Variants in SYNPO2 observed in about 807,000 individuals in gnomAD.
SYNPO2 encodes synaptopodin-2.
A neutral mutation model predicts 85.0 loss-of-function variants in SYNPO2; 56 were observed. The observed-to-expected ratio is 0.66, with a 90% confidence interval of 0.53 to 0.82. The LOEUF (loss-of-function observed/expected upper bound fraction) is 0.82. Among genes scored for constraint, SYNPO2 ranks in the 40% least tolerant of loss-of-function variants. The pLI is 0.00. For missense variants in SYNPO2, 1,575 were observed against 1,534.2 expected (o/e 1.03, Z -0.44); for synonymous variants, 602 against 591.1 (o/e 1.02, Z -0.27).
In SYNPO2 at chr4:119,026,996, G is replaced by A; in HGVS notation, c.627G>A (p.Lys209=). The change falls in exon 3 of 5, where the codon AAG becomes AAA. Residue 209 remains lysine, a synonymous_variant. Transcript: ENST00000307142. ...LQLSLSQERH[K]GASGPLVALP... ...TGTCCCTTTCACAGGAGAGACATAA[G>A]GGCGCTAGTGGCCCTTTAGTGGCTC... is the stretch of plus-strand genomic sequence containing the variant. The A allele has an allele frequency of 6.2e-7, 1 of 1,614,156 alleles. No individual in the cohort carries two copies. The highest frequency in any genetic ancestry group is 8.5e-7 in the Non-Finnish European group (1 of 1,180,040).
intron 1 of SYNPO2, among the ~76,000 whole-genome samples, chr4:118,992,325 C>T (rs891071884): frequency 3.9e-5 from 6 of 152,258 alleles, no homozygotes; most frequent in South Asian, 2.1e-4. Context: ...TGAAATAAAA[C>T]TGTGACAAAG....
chr4:118,853,368 A>C (rs77807988), intron 1 of SYNPO2, among the ~76,000 whole-genome samples: 2,824 of 152,176 alleles, frequency 0.019, 74 homozygotes, highest in African/African-American at 0.057. Context: ...TATACCATCA[A>C]ATTTAGGATA....
At chr4:119,032,902 G>A in intron 4 of SYNPO2, 1 of 962,648 alleles carries the variant, frequency 1.0e-6, no homozygotes, top group African/African-American at 1.8e-5. Flanking sequence ...GATAAGGAAA[G>A]AAGGATAATT....
intron 1 of SYNPO2, among the ~76,000 whole-genome samples, chr4:119,007,257 TATATATATATATATATATGTATATAC>T (rs1560972365): frequency 9.4e-5 from 4 of 42,586 alleles, no homozygotes; most frequent in South Asian, 2.1e-3. Context: ...TATATACATA[TATATATATATATATATATGTATATAC>T]ATATATATAT....
intron 1 of SYNPO2, among the ~76,000 whole-genome samples, chr4:118,905,109 G>A (rs1402832011): frequency 6.6e-6 from 1 of 152,186 alleles, no homozygotes; most frequent in Non-Finnish European, 1.5e-5. Context: ...TGACCAGATA[G>A]CTCCATGTTG....
At chr4:118,989,795 C>T (rs1408748646) in intron 1 of SYNPO2, among the ~76,000 whole-genome samples, 1 of 152,132 alleles carries the variant, frequency 6.6e-6, no homozygotes, top group African/African-American at 2.4e-5. Context: ...GTGGAGGAGG[C>T]CTAACTTGTG....
At chr4:119,020,842 C>A (rs910256378) in intron 1 of SYNPO2, among the ~76,000 whole-genome samples, 9 of 152,060 alleles carry the variant, frequency 5.9e-5, no homozygotes, top group Non-Finnish European at 1.3e-4. Context: ...TAAAAAATTT[C>A]TTGTGATCTT....
chr4:119,007,412 CAAA>C (rs527931641), intron 1 of SYNPO2, among the ~76,000 whole-genome samples: 3 of 139,600 alleles, frequency 2.1e-5, no homozygotes, highest in African/African-American at 7.9e-5. Flanking sequence ...AAAAAACAAA[CAAA>C]AAAAAAACAT....
At chr4:119,014,582 G>C (rs952943830) in intron 1 of SYNPO2, among the ~76,000 whole-genome samples, 13 of 151,832 alleles carry the variant, frequency 8.6e-5, no homozygotes, top group Non-Finnish European at 4.4e-5. Flanking sequence ...TCTTATTTTT[G>C]ATATCTAACA....
At position 119,031,544 on chromosome 4, in the gene SYNPO2, G is replaced by A. The variant is rs114607591; in HGVS notation, c.2769G>A (p.Val923=). Residue 923 remains valine (V), a synonymous_variant, in exon 4 of 5, where the codon GTG becomes GTA. Coordinates refer to ENST00000307142, the MANE Select transcript of SYNPO2 (RefSeq NM_133477.3). ...CCAATGTCCGAGCACCTCCTCCTGT[G>A]GCCTATAATCCTATCCACTCGCCGT... ...YSSNVRAPPP[V]AYNPIHSPSY... The A allele has an allele frequency of 5.2e-4, 846 of 1,614,074 alleles. 6 individuals carry two copies. In the African/African-American group the frequency reaches 0.011, roughly 20 times the overall value.
intron 1 of SYNPO2, among the ~76,000 whole-genome samples, chr4:118,984,244 C>T (rs1039556675): frequency 3.4e-5 from 5 of 148,444 alleles, no homozygotes; most frequent in East Asian, 2.0e-4. Context: ...GACTGGGAGA[C>T]GCAGATGTAA....
intron 3 of SYNPO2, among the ~76,000 whole-genome samples, chr4:119,029,458 T>C (rs1738118569): frequency 1.3e-5 from 2 of 152,170 alleles, no homozygotes; most frequent in Admixed American, 1.3e-4. Context: ...AAGTATGAGA[T>C]ATGTCTCATC....
At chr4:118,958,456 T>C (rs1462172728) in intron 1 of SYNPO2, among the ~76,000 whole-genome samples, 1 of 152,154 alleles carries the variant, frequency 6.6e-6, no homozygotes, top group Non-Finnish European at 1.5e-5. Flanking sequence ...ATTTCATACT[T>C]GCTTGGGAGG....
intron 1 of SYNPO2, among the ~76,000 whole-genome samples, chr4:118,900,703 C>A (rs7655017): frequency 0.076 from 3,242 of 42,612 alleles, 118 homozygotes; most frequent in African/African-American, 0.12. Flanking sequence ...CTCTCTCTCT[C>A]TATATATATA....
chr4:118,986,092 A>C (rs1736206326), intron 1 of SYNPO2, among the ~76,000 whole-genome samples: 1 of 152,170 alleles, frequency 6.6e-6, no homozygotes. Flanking sequence ...CAATCCATAT[A>C]CATGTAAAAT....
intron 4 of SYNPO2, among the ~76,000 whole-genome samples, chr4:119,046,309 A>G (rs1040751262): frequency 2.0e-5 from 3 of 151,324 alleles, no homozygotes; most frequent in South Asian, 2.1e-4. Flanking sequence ...TTATTCTTTT[A>G]TAACAGAAGG....
intron 4 of SYNPO2, among the ~76,000 whole-genome samples, chr4:119,044,706 AG>A (rs1253350703): frequency 6.6e-6 from 1 of 152,184 alleles, no homozygotes; most frequent in Non-Finnish European, 1.5e-5. Context: ...TATGATAGGG[AG>A]TAAATCTTAC....
Position 118,978,792 on chromosome 4 carries a change from GACACACACACACACACAC to G in SYNPO2, c.106-44615_106-44598del, listed in dbSNP as rs5861400. 7.1e-3 allele frequency among the ~76,000 whole-genome samples: 1,056 copies of G among 148,420 alleles called. 8 individuals are homozygous for G. Among genetic ancestry groups the G allele is most frequent in the African/African-American group, 0.023 (911 of 40,182 alleles). On this transcript the variant is annotated intron_variant, in intron 1 of 4. Transcript: ENST00000307142. ...ATTTCATGTGAAATACTCCTGCCAT[GACACACACACACACACAC>G]ACACACACACACACACACACACTTA...
intron 1 of SYNPO2, among the ~76,000 whole-genome samples, chr4:118,895,003 G>A (rs1732507175): frequency 6.6e-6 from 1 of 152,168 alleles, no homozygotes; most frequent in South Asian, 2.1e-4. Flanking sequence ...TAAAGAACAC[G>A]TGATTGATAT....
Sources: gnomAD v4.1 joint callset for allele counts (sites outside exome capture counted in the v4.1 genomes callset) on GRCh38, gnomAD v4.1.1 for gene constraint, MANE v1.5 for transcripts, NCBI Gene and HGNC (gene_info 2026-07-23, HGNC 2026-07-21) for gene names.